Variants in FBXW11 observed in about 807,000 individuals in gnomAD.
FBXW11 encodes F-box/WD repeat-containing protein 11.
A neutral mutation model predicts 77.6 loss-of-function variants in FBXW11; 19 were observed. The observed-to-expected ratio is 0.24, with a 90% confidence interval of 0.17 to 0.36. The LOEUF is 0.36. Ranked by LOEUF, FBXW11 falls within the 10% of genes least tolerant of loss-of-function variation. FBXW11 has a pLI of 1.00. For missense variants in FBXW11, 334 were observed against 704.2 expected (o/e 0.47, Z 5.95); for synonymous variants, 235 against 249.4 (o/e 0.94, Z 0.54).
chr5:171,881,325 G>A (rs1485888122), intron 7 of FBXW11, among the ~76,000 whole-genome samples: 1 of 152,184 alleles, frequency 6.6e-6, no homozygotes, highest in Non-Finnish European at 1.5e-5. Flanking sequence ...TCTCAGCACT[G>A]TGTGTGACGT....
At chr5:171,927,837 G>C (rs1761971380) in intron 2 of FBXW11, among the ~76,000 whole-genome samples, 1 of 152,146 alleles carries the variant, frequency 6.6e-6, no homozygotes, top group Admixed American at 6.5e-5. Context: ...GTCAAATTTA[G>C]AAATCCATGA....
chr5:171,977,322 A>AG (rs991931621), intron 1 of FBXW11, among the ~76,000 whole-genome samples: 7 of 151,844 alleles, frequency 4.6e-5, no homozygotes, highest in East Asian at 1.9e-4. Context: ...AAAAAAAAAA[A>AG]AAAGAAAGAA....
intron 2 of FBXW11, among the ~76,000 whole-genome samples, chr5:171,946,113 G>A (rs933931831): frequency 6.6e-6 from 1 of 152,184 alleles, no homozygotes; most frequent in Non-Finnish European, 1.5e-5. Flanking sequence ...AAAGACTGGG[G>A]TTTCCCAGAG....
chr5:171,900,921 C>T (rs1760074644), intron 4 of FBXW11, among the ~76,000 whole-genome samples: 1 of 152,178 alleles, frequency 6.6e-6, no homozygotes, highest in Non-Finnish European at 1.5e-5. Context: ...ACATGGCCAC[C>T]ACTGTTGCCA....
chr5:171,918,850 A>C (rs1481374286), intron 2 of FBXW11, among the ~76,000 whole-genome samples: 1 of 152,180 alleles, frequency 6.6e-6, no homozygotes, highest in Non-Finnish European at 1.5e-5. Flanking sequence ...AGAATCAAAA[A>C]TGTCTCCAGA....
chr5:171,882,456 A>G (rs182020476), intron 7 of FBXW11, among the ~76,000 whole-genome samples: 27 of 152,002 alleles, frequency 1.8e-4, no homozygotes, highest in African/African-American at 6.0e-4. Flanking sequence ...CGCATGCCAC[A>G]ATGCCCAGCT....
intron 1 of FBXW11, among the ~76,000 whole-genome samples, chr5:171,980,445 A>G (rs998898796): frequency 1.3e-5 from 2 of 152,244 alleles, no homozygotes; most frequent in African/African-American, 4.8e-5. Flanking sequence ...GCAAGCCACA[A>G]AACAGGAGAT....
At chr5:171,888,955 A>G (rs1204444844) in intron 7 of FBXW11, among the ~76,000 whole-genome samples, 1 of 152,244 alleles carries the variant, frequency 6.6e-6, no homozygotes, top group Non-Finnish European at 1.5e-5. Context: ...ACTTGAAGAT[A>G]GGCCAATAGA....
At chr5:171,899,838 A>G (rs977263202) in intron 5 of FBXW11, 76 bp downstream of exon 5, 14 of 1,311,834 alleles carry the variant, frequency 1.1e-5, no homozygotes, top group Non-Finnish European at 1.5e-5. Flanking sequence ...TGCAAGTATA[A>G]TTGCATTTTT....
chr5:171,989,450 T>C (rs1047866570), intron 1 of FBXW11, among the ~76,000 whole-genome samples: 1 of 152,260 alleles, frequency 6.6e-6, no homozygotes, highest in Non-Finnish European at 1.5e-5. Context: ...CAATGTGAAC[T>C]GCACTTCACC....
chr5:171,984,055 C>A (rs1370672212), intron 1 of FBXW11, among the ~76,000 whole-genome samples: 1 of 150,336 alleles, frequency 6.7e-6, no homozygotes, highest in African/African-American at 2.4e-5. Flanking sequence ...AGTGGGGGAA[C>A]AAAACCACAA....
intron 2 of FBXW11, among the ~76,000 whole-genome samples, chr5:171,951,908 AG>A (rs1763338722): frequency 6.6e-6 from 1 of 152,254 alleles, no homozygotes; most frequent in African/African-American, 2.4e-5. Flanking sequence ...AGTTGAACTA[AG>A]ATTAGCATAA....
At chr5:171,946,740 T>TG (rs1346462294) in intron 2 of FBXW11, among the ~76,000 whole-genome samples, 2 of 151,760 alleles carry the variant, frequency 1.3e-5, no homozygotes, top group East Asian at 3.9e-4. Flanking sequence ...TCCCAAATCT[T>TG]GGGGTGCTCT....
At chr5:171,983,679 A>G (rs1765276946) in intron 1 of FBXW11, among the ~76,000 whole-genome samples, 1 of 152,192 alleles carries the variant, frequency 6.6e-6, no homozygotes, top group African/African-American at 2.4e-5. Context: ...TTCTGTGTTC[A>G]TGACTGCTGT....
intron 2 of FBXW11, among the ~76,000 whole-genome samples, chr5:171,918,806 T>G (rs796152628): frequency 1.5e-4 from 23 of 152,320 alleles, no homozygotes; most frequent in African/African-American, 5.3e-4. Context: ...GGCCAGTGCC[T>G]GTGCCAGGAG....
At chr5:172,000,101 G>C (rs1363256645) in intron 1 of FBXW11, among the ~76,000 whole-genome samples, 1 of 152,100 alleles carries the variant, frequency 6.6e-6, no homozygotes, top group African/African-American at 2.4e-5. Context: ...AACTAACCAA[G>C]GGTAACGAGC....
At chr5:171,946,636 T>C (rs779932018) in intron 2 of FBXW11, among the ~76,000 whole-genome samples, 6 of 152,098 alleles carry the variant, frequency 3.9e-5, no homozygotes, top group Non-Finnish European at 8.8e-5. Context: ...TGGGATTCTT[T>C]TCCTCCAGAT....
At chr5:172,000,381 G>A (rs1766340756) in intron 1 of FBXW11, among the ~76,000 whole-genome samples, 1 of 152,148 alleles carries the variant, frequency 6.6e-6, no homozygotes, top group African/African-American at 2.4e-5. Flanking sequence ...AGGACTGGGT[G>A]GGTTCTCTCT....
chr5:171,875,135 G>A (rs1339071776), intron 9 of FBXW11, among the ~76,000 whole-genome samples: 1 of 152,062 alleles, frequency 6.6e-6, no homozygotes, highest in Non-Finnish European at 1.5e-5. Context: ...ACAAAGTACT[G>A]GCTGGGTGTG....
Sources: allele counts gnomAD v4.1 joint callset (sites outside exome capture counted in the v4.1 genomes callset), GRCh38; gene constraint gnomAD v4.1.1; transcripts MANE v1.5; gene names NCBI Gene and HGNC (gene_info 2026-07-23, HGNC 2026-07-21).